Variants in NACA observed in about 807,000 individuals in gnomAD.
NACA encodes nascent polypeptide-associated complex subunit alpha.
NACA carries 42 observed loss-of-function variants against 86.4 expected under a neutral mutation model. The ratio of observed to expected loss-of-function variants is 0.49; its 90% CI spans 0.38 to 0.63. NACA has a LOEUF of 0.63. Ranked by LOEUF, NACA falls within the 20% of genes least tolerant of loss-of-function variation. The pLI, the probability that NACA is intolerant of heterozygous loss-of-function variation, is 0.00. For synonymous variants in NACA, 898 were observed against 973.7 expected (o/e 0.92, Z 1.45); for missense variants, 2,157 against 2,483.6 (o/e 0.87, Z 2.80).
intron 2 of NACA, among the ~76,000 whole-genome samples, chr12:56,723,103 C>A (rs539783910): frequency 6.6e-6 from 1 of 152,180 alleles, no homozygotes; most frequent in Non-Finnish European, 1.5e-5. Flanking sequence ...TTTCTTCTGA[C>A]TGGACCTCAA....
rs773367731 is a variant in NACA, at chr12:56,716,689, G to C, written c.4841C>G (p.Pro1614Arg). ...TGGAGGAGTCACAGCTGGAGGAGTA[G>C]GTGCCTCTTTGGGGGAAGGAGAAGT... ...AVTSPSPKEA[P>R]TPPAVTPPSP... The change falls in exon 3 of 9, where the codon CCT (proline) becomes CGT (arginine). Residue 1614 changes from proline (P) to arginine (R), a missense_variant. This residue lies in a region of NACA where 797 missense variants were observed against 777.6 expected (regional missense o/e 1.02). Coordinates refer to ENST00000454682, the MANE Select transcript of NACA (RefSeq NM_001365896.1). 17 of 1,420,552 alleles carry C rather than the reference G, an allele frequency of 1.2e-5. No individual in the cohort carries two copies. Among genetic ancestry groups the C allele is most frequent in the Non-Finnish European group, 1.6e-5 (17 of 1,060,824 alleles). 88.0% of individuals were successfully genotyped at this position (1,420,552 alleles called of 1,614,324 possible).
Position 56,721,288 on chromosome 12 carries a change from G to C in NACA, c.242C>G (p.Pro81Arg). The change falls in exon 3 of 9, where the codon CCT becomes CGT. Residue 81 changes from proline to arginine, a missense_variant. Around this residue, in one of 8 missense-constraint regions of NACA, gnomAD observed 947 missense variants for 917.9 expected, o/e 1.03. Transcript: ENST00000454682. ...TGTTCCAGAGGATGACTGGGGAAAA[G>C]GAACTTCTAAAGGGGTCGAGGCAAT... ...STIASTPLEV[P>R]FPQSSSGTAL... 1.9e-6 allele frequency: 3 copies of C among 1,612,960 alleles called. No homozygotes were observed. Among genetic ancestry groups the C allele is most frequent in the Non-Finnish European group, 2.5e-6 (3 of 1,179,494 alleles).
At position 56,720,885 on chromosome 12, in the gene NACA, G is replaced by A. The variant is rs1370728371; in HGVS notation, c.645C>T (p.His215=). The A allele has an allele frequency of 1.2e-6, 2 of 1,614,022 alleles. No homozygotes were observed. The highest frequency in any genetic ancestry group is 1.7e-6 in the Non-Finnish European group (2 of 1,179,888). ...GAATAGAGGCCATGGGAGTCACACA[G>A]TGGTAAGGAACAGTACTGACTATAC... ...PPCIVSTVPY[H]CVTPMASIQS... Residue 215 remains histidine, a synonymous_variant, in exon 3 of 9, where the codon CAC becomes CAT. Coordinates refer to ENST00000454682, the MANE Select transcript of NACA (RefSeq NM_001365896.1).
rs766310930 is a variant in NACA at position 56,719,021 on chromosome 12, G to T, written c.2509C>A (p.Pro837Thr). ...PVSPVEASFLPENSLSFQGSK... is the reference protein window; with the variant it reads ...PVSPVEASFLTENSLSFQGSK... ...CCTTGGAAAGAAAGACTATTCTCTGGAAGAAATGAAGCTTCAACTGGAGAA... is the reference window on the plus strand; with the variant it reads ...CCTTGGAAAGAAAGACTATTCTCTGTAAGAAATGAAGCTTCAACTGGAGAA... The change falls in exon 3 of 9, where the codon CCA becomes ACA. Residue 837 changes from proline to threonine, a missense_variant. Physicochemically the swap from Pro to Thr is conservative, Grantham distance 38. Coordinates refer to ENST00000454682, the MANE Select transcript of NACA (RefSeq NM_001365896.1). 1 of 1,447,862 alleles carries T rather than the reference G, an allele frequency of 6.9e-7. No homozygotes were observed. The highest frequency in any genetic ancestry group is 9.3e-7 in the Non-Finnish European group (1 of 1,071,540). The allele number at this position is 1,447,862 out of a possible 1,614,324, so 89.7% of individuals were successfully genotyped here. A position where few individuals can be genotyped will look rare whatever the true frequency, so the allele number is the denominator to read the frequency against.
At chr12:56,714,969 G>A (rs550275636) in intron 3 of NACA, among the ~76,000 whole-genome samples, 2 of 152,254 alleles carry the variant, frequency 1.3e-5, no homozygotes, top group South Asian at 2.1e-4. Flanking sequence ...TTTCCCTCAA[G>A]GTCTTTGTTT....
chr12:56,719,523 A>G lies in NACA; in HGVS notation c.2007T>C (p.Tyr669=), dbSNP rs377222293. 216 of 1,613,806 alleles carry G rather than the reference A, an allele frequency of 1.3e-4. 1 individual carries two copies. The highest frequency in any genetic ancestry group is 8.8e-4 in the South Asian group (80 of 91,092). Residue 669 remains tyrosine, a synonymous_variant, in exon 3 of 9, where the codon TAT becomes TAC. Coordinates refer to ENST00000454682, the MANE Select transcript of NACA (RefSeq NM_001365896.1). ...CTAGAAAAGGGCTGGCTGTAGTTGT[A>G]TAAGTTGAGGTACCTTTGGCAGTTG... The part of the protein sequence containing the change: ...APTTAKGTST[Y]TTTASPFLEG...
At chr12:56,722,381 T>C (rs1284803850) in intron 2 of NACA, among the ~76,000 whole-genome samples, 1 of 152,156 alleles carries the variant, frequency 6.6e-6, no homozygotes, top group Non-Finnish European at 1.5e-5. Context: ...CAGATTGTGG[T>C]GCTATTTTGG....
chr12:56,717,476 T>TACAC lies in NACA; in HGVS notation c.4053_4054insGTGT (p.Thr1352ValfsTer7). ...GGGCCTCCTTTAGAGGAGGGAGTTG[T>TACAC]AGCTGGGAGAGTAGGGGTCCCTTTA... On this transcript the variant is annotated frameshift_variant, in exon 3 of 9. Coordinates refer to ENST00000454682, the MANE Select transcript of NACA (RefSeq NM_001365896.1). LOFTEE classifies it high-confidence loss of function. The TACAC allele has an allele frequency of 7.5e-7, 1 of 1,331,580 alleles. No individual in the cohort carries two copies. Among genetic ancestry groups the TACAC allele is most frequent in the Admixed American group, 2.4e-5 (1 of 40,988 alleles). 82.5% of individuals were successfully genotyped at this position (1,331,580 alleles called of 1,614,324 possible). A position where few individuals can be genotyped will look rare whatever the true frequency, so the allele number is the denominator to read the frequency against.
chr12:56,713,904 C>T (rs966960318), intron 5 of NACA: 6 of 506,570 alleles, frequency 1.2e-5, no homozygotes, highest in Non-Finnish European at 2.1e-5. Context: ...TGCAGTGGTG[C>T]AATCTCGGCT....
rs549541384 is a variant in NACA, at chr12:56,713,971, A to G, written c.5824-288T>C. ...ATTGCCGTGCCTCAGCCACCTTAGT[A>G]GCTGGGATTACAGGAGCGTTACCAC... is the stretch of plus-strand genomic sequence containing the variant. On this transcript the variant is annotated intron_variant, in intron 5 of 8. Transcript: ENST00000454682. 45 of 412,812 alleles carry G rather than the reference A, an allele frequency of 1.1e-4. No individual in the cohort carries two copies. In the South Asian group the frequency reaches 1.3e-3, roughly 12 times the overall value. 25.6% of individuals were successfully genotyped at this position (412,812 alleles called of 1,614,324 possible).
chr12:56,720,236 G>C lies in NACA; in HGVS notation c.1294C>G (p.Pro432Ala). Residue 432 changes from proline (P) to alanine (A), a missense_variant, in exon 3 of 9, where the codon CCC becomes GCC. Coordinates refer to ENST00000454682, the MANE Select transcript of NACA (RefSeq NM_001365896.1). ...TYHYPLVAQMPVSSVGTTPLV... is the reference protein window; with the variant it reads ...TYHYPLVAQMAVSSVGTTPLV... ...GGGGTGGTTCCAACAGAAGAAACGG[G>C]CATTTGGGCCACTAAAGGATAATGA... 3.1e-6 allele frequency: 5 copies of C among 1,613,958 alleles called. No individual in the cohort carries two copies. Among genetic ancestry groups the C allele is most frequent in the Non-Finnish European group, 4.2e-6 (5 of 1,179,878 alleles).
At chr12:56,714,043 C>T (rs767202872) in intron 5 of NACA, 12 of 374,088 alleles carry the variant, frequency 3.2e-5, no homozygotes, top group African/African-American at 8.2e-5. Context: ...GATGGGGTTT[C>T]GCCATGTTGG....
rs780028625 is a variant in NACA, at chr12:56,720,648, A to G, written c.882T>C (p.Gly294=). 21 of 1,613,816 alleles carry G rather than the reference A, an allele frequency of 1.3e-5. No individual in the cohort carries two copies. The highest frequency in any genetic ancestry group is 1.8e-5 in the Non-Finnish European group (21 of 1,179,894). Residue 294 remains glycine, a synonymous_variant, in exon 3 of 9, where the codon GGT becomes GGC. Coordinates refer to ENST00000454682, the MANE Select transcript of NACA (RefSeq NM_001365896.1). ...PVVTSSQKTA[G]PNTPPDFPIS... ...TGGGAAAATCTGGGGGGGTGTTGGG[A>G]CCCGCAGTCTTTTGAGAAGAGGTCA... is the stretch of plus-strand genomic sequence containing the variant.
In NACA at chr12:56,718,923, A is replaced by C. The variant is rs774971155; in HGVS notation, c.2607T>G (p.Ala869=). Residue 869 remains alanine (A), a synonymous_variant, in exon 3 of 9, where the codon GCT becomes GCG. Transcript: ENST00000454682. ...CTCCTTTGGGAGACAGAGGAGTCAC[A>C]GCTGAGGGAGTAGGGGCCCCTTTGG... is the stretch of plus-strand genomic sequence containing the variant. ...PSPKGAPTPS[A]VTPLSPKGVT... is the part of the protein sequence containing the mutation. 7.0e-7 allele frequency: 1 copy of C among 1,438,574 alleles called. No homozygotes were observed. Among genetic ancestry groups the C allele is most frequent in the Non-Finnish European group, 9.4e-7 (1 of 1,066,926 alleles). The allele number at this position is 1,438,574 out of a possible 1,614,324, so 89.1% of individuals were successfully genotyped here. A position where few individuals can be genotyped will look rare whatever the true frequency, so the allele number is the denominator to read the frequency against.
intron 2 of NACA, 50 bp from the exon 3 acceptor site, chr12:56,721,509 A>C: frequency 1.5e-6 from 2 of 1,300,870 alleles, no homozygotes; most frequent in South Asian, 3.1e-5. Flanking sequence ...GAGGAGAAAA[A>C]AGGTGAGTTA....
At chr12:56,714,332 T>G (rs1361106813) in intron 5 of NACA, 30 bp downstream of exon 5, 3 of 1,608,616 alleles carry the variant, frequency 1.9e-6, no homozygotes, top group Non-Finnish European at 2.6e-6. Flanking sequence ...AGGTGCTTCA[T>G]AAGATCCTGA....
Position 56,720,572 on chromosome 12 carries a change from C to T in NACA, c.958G>A (p.Val320Ile). The change falls in exon 3 of 9, where the codon GTC becomes ATC. Residue 320 changes from valine to isoleucine, a missense_variant. Physicochemically the swap from Val to Ile is conservative, Grantham distance 29. This residue lies in a region of NACA where 947 missense variants were observed against 917.9 expected (regional missense o/e 1.03). Transcript: ENST00000454682. Reference sequence around the variant, plus strand: ...GGACCTGTTTGACCTAAAAGTTGGACAGAACCAAAAGAACTCTGATGTAAA... The same window carrying T: ...GGACCTGTTTGACCTAAAAGTTGGATAGAACCAAAAGAACTCTGATGTAAA... ...APLHQSSFGS[V>I]QLLGQTGPSA... The T allele has an allele frequency of 6.2e-7, 1 of 1,613,954 alleles. No individual in the cohort carries two copies. Among genetic ancestry groups the T allele is most frequent in the Non-Finnish European group, 8.5e-7 (1 of 1,179,894 alleles).
Position 56,718,863 on chromosome 12 carries a change from T to C in NACA, c.2667A>G (p.Ser889=), listed in dbSNP as rs1381827414. The change falls in exon 3 of 9, where the codon TCA becomes TCG. Residue 889 remains serine, a synonymous_variant. Transcript: ENST00000454682. ...CTTTGGGGAAGGGCAGATTCACCAC[T>C]GAAGGAGTGGGGGTCTCTTTGGGGG... The part of the protein sequence containing the change: ...TLPPKETPTP[S]VVNLPFPKEG... 2.1e-6 allele frequency: 3 copies of C among 1,419,724 alleles called. No homozygotes were observed. Among genetic ancestry groups the C allele is most frequent in the Non-Finnish European group, 1.9e-6 (2 of 1,059,464 alleles). 87.9% of individuals were successfully genotyped at this position (1,419,724 alleles called of 1,614,324 possible).
intron 5 of NACA, 174 bp downstream of exon 5, chr12:56,714,188 G>A: frequency 1.6e-6 from 1 of 606,538 alleles, no homozygotes; most frequent in Non-Finnish European, 2.9e-6. Context: ...ACTAAGAATT[G>A]GGTTCAGTGT....
Sources: allele counts gnomAD v4.1 joint callset (sites outside exome capture counted in the v4.1 genomes callset), GRCh38; gene constraint gnomAD v4.1.1; regional missense constraint gnomAD v4.1.1; transcripts MANE v1.5; gene names NCBI Gene and HGNC (gene_info 2026-07-23, HGNC 2026-07-21).